LHFPL3: variants seen among roughly 807,000 people sequenced by gnomAD.
LHFPL3 encodes LHFPL tetraspan subfamily member 3.
A neutral mutation model predicts 19.3 loss-of-function variants in LHFPL3; 5 were observed. The observed-to-expected ratio is 0.26, with a 90% CI of 0.14 to 0.54. The LOEUF is 0.54. LHFPL3 is among the 20% of genes least tolerant of loss of function. The pLI, the probability that LHFPL3 is intolerant of heterozygous loss-of-function variation, is 0.94. For synonymous variants in LHFPL3, 133 were observed against 126.2 expected (o/e 1.05, Z -0.36); for missense variants, 249 against 307.4 (o/e 0.81, Z 1.42).
chr7:104,766,329 A>G (rs1225945640), intron 2 of LHFPL3, among the ~76,000 whole-genome samples: 2 of 152,238 alleles, frequency 1.3e-5, no homozygotes, highest in African/African-American at 2.4e-5. Context: ...ACTATCTTTG[A>G]CAAGGCTCTT....
At chr7:104,889,060 G>A (rs570967014) in intron 2 of LHFPL3, among the ~76,000 whole-genome samples, 130 of 152,250 alleles carry the variant, frequency 8.5e-4, no homozygotes, top group Non-Finnish European at 1.4e-3. Context: ...ACTCACAAAG[G>A]CATTGTTTAA....
chr7:104,786,571 G>C (rs990281810), intron 2 of LHFPL3: 1 of 151,910 alleles, frequency 6.6e-6, no homozygotes. Flanking sequence ...TAGTGCCACC[G>C]GTATAATTCC....
At chr7:104,705,962 G>A (rs568045123) in intron 1 of LHFPL3, among the ~76,000 whole-genome samples, 8 of 152,116 alleles carry the variant, frequency 5.3e-5, no homozygotes, top group African/African-American at 1.7e-4. Flanking sequence ...CCTAGTTCTC[G>A]TCCCTCTTCC....
chr7:104,753,487 C>T (rs1426189033), intron 2 of LHFPL3, among the ~76,000 whole-genome samples: 1 of 151,766 alleles, frequency 6.6e-6, no homozygotes, highest in Non-Finnish European at 1.5e-5. Flanking sequence ...TTTCAATATT[C>T]AATATTTGAG....
Position 104,844,504 on chromosome 7 carries a change from T to C in LHFPL3, c.683-61683T>C, listed in dbSNP as rs77727240. Among the ~76,000 whole-genome samples, 1,089 of 152,356 alleles carry C rather than the reference T, an allele frequency of 7.1e-3. 14 individuals carry two copies. The highest frequency in any genetic ancestry group is 0.025 in the African/African-American group (1,042 of 41,586). ...AGAATTTTAACGACACTTGGAACTA[T>C]TGCTCTATCCATGTGTTTTTAACTT... On this transcript the variant is annotated intron_variant, in intron 2 of 2. Coordinates refer to ENST00000424859, the MANE Select transcript of LHFPL3 (RefSeq NM_199000.3).
intron 1 of LHFPL3, among the ~76,000 whole-genome samples, chr7:104,700,397 C>T (rs73713046): frequency 1.7e-3 from 260 of 152,306 alleles, no homozygotes; most frequent in African/African-American, 4.5e-3. Context: ...AAGGTCGTCA[C>T]TCTTCTTCAC....
intron 1 of LHFPL3, among the ~76,000 whole-genome samples, chr7:104,588,611 G>A (rs951366603): frequency 5.9e-5 from 9 of 152,160 alleles, no homozygotes; most frequent in Admixed American, 3.9e-4. Context: ...CTCTTTTTTG[G>A]TTCCATATGA....
intron 1 of LHFPL3, among the ~76,000 whole-genome samples, chr7:104,480,872 T>G (rs1052876276): frequency 2.4e-4 from 37 of 152,198 alleles, no homozygotes; most frequent in African/African-American, 8.7e-4. Flanking sequence ...TGGCTAAGGC[T>G]GGAATGGTAG....
chr7:104,793,773 G>A (rs184780384), intron 2 of LHFPL3, among the ~76,000 whole-genome samples: 2 of 152,284 alleles, frequency 1.3e-5, no homozygotes, highest in Admixed American at 1.3e-4. Context: ...ATTGAATGTG[G>A]TTTTCCTTCC....
At chr7:104,569,924 G>C (rs7781577) in intron 1 of LHFPL3, among the ~76,000 whole-genome samples, 1 of 152,032 alleles carries the variant, frequency 6.6e-6, no homozygotes, top group South Asian at 2.1e-4. Flanking sequence ...AATGACTACA[G>C]TTTCCTGATT....
chr7:104,329,279 G>C (rs1801524603), intron 1 of LHFPL3, 55 bp downstream of exon 1: 2 of 1,540,416 alleles, frequency 1.3e-6, no homozygotes, highest in African/African-American at 2.7e-5. Flanking sequence ...CCCGAGCCGG[G>C]GAGGGGCCAG....
At chr7:104,440,664 A>G (rs886726499) in intron 1 of LHFPL3, among the ~76,000 whole-genome samples, 1 of 152,178 alleles carries the variant, frequency 6.6e-6, no homozygotes, top group Non-Finnish European at 1.5e-5. Context: ...TGAAATTGCT[A>G]CTCAAACAGC....
intron 1 of LHFPL3, among the ~76,000 whole-genome samples, chr7:104,423,705 A>G (rs1317150194): frequency 1.3e-5 from 2 of 151,922 alleles, no homozygotes; most frequent in Admixed American, 6.6e-5. Context: ...TGTTCAGGAA[A>G]GCCTCCTCCA....
intron 1 of LHFPL3, among the ~76,000 whole-genome samples, chr7:104,551,805 G>A (rs796151374): frequency 3.9e-5 from 6 of 152,226 alleles, no homozygotes; most frequent in African/African-American, 1.4e-4. Context: ...GTTCTCCCAG[G>A]GAGAAGCAGG....
At chr7:104,408,495 A>T (rs1403098968) in intron 1 of LHFPL3, among the ~76,000 whole-genome samples, 2 of 152,126 alleles carry the variant, frequency 1.3e-5, no homozygotes, top group East Asian at 3.9e-4. Flanking sequence ...CCAAATATTG[A>T]TCAATATTGA....
chr7:104,756,955 T>G (rs1258089989), intron 2 of LHFPL3, among the ~76,000 whole-genome samples: 1 of 152,232 alleles, frequency 6.6e-6, no homozygotes, highest in African/African-American at 2.4e-5. Context: ...CCTTTAATAT[T>G]TTTTAAATGT....
At chr7:104,713,854 C>CAATA (rs1392200626) in intron 1 of LHFPL3, among the ~76,000 whole-genome samples, 1 of 152,078 alleles carries the variant, frequency 6.6e-6, no homozygotes, top group Non-Finnish European at 1.5e-5. Flanking sequence ...AATAGAGAGT[C>CAATA]CCAAGGGGAG....
Position 104,760,904 on chromosome 7 carries a change from CCCCAACT to C in LHFPL3, c.682+23999_682+24005del, listed in dbSNP as rs1191325190. ...TACAGCTTTTAAACTCTGTCTTCTG[CCCCAACT>C]CCCAAACCCTATCACATCAGAAAAA... On this transcript the variant is annotated intron_variant, in intron 2 of 2. Transcript: ENST00000424859. Among the ~76,000 whole-genome samples the C allele has an allele frequency of 2.0e-5, 3 of 147,120 alleles. No individual in the cohort carries two copies. In the East Asian group the frequency reaches 6.1e-4, roughly 30 times the overall value.
chr7:104,450,239 G>T (rs562756621), intron 1 of LHFPL3, among the ~76,000 whole-genome samples: 1 of 152,196 alleles, frequency 6.6e-6, no homozygotes. Context: ...ATGGAGCTTG[G>T]TATCAAAGCT....
Sources: gnomAD v4.1 joint callset for allele counts (sites outside exome capture counted in the v4.1 genomes callset) on GRCh38, gnomAD v4.1.1 for gene constraint, MANE v1.5 for transcripts, NCBI Gene and HGNC (gene_info 2026-07-23, HGNC 2026-07-21) for gene names.